Variants in SOAT1 observed in about 807,000 individuals in gnomAD.
SOAT1 encodes the protein sterol O-acyltransferase 1, also known as acyl-coenzyme A:cholesterol acyltransferase 1.
Under a neutral mutation model 69.5 loss-of-function variants are expected in SOAT1, and 55 were observed. The ratio of observed to expected loss-of-function variants is 0.79; its 90% CI spans 0.64 to 0.99. The LOEUF is 0.99. Ranked by LOEUF, SOAT1 falls within the 50% of genes least tolerant of loss-of-function variation. The probability of loss-of-function intolerance (pLI) is 0.00; values close to 1 mark genes in which losing one functional copy is unlikely to be tolerated. For missense variants in SOAT1, 580 were observed against 669.3 expected, an observed-to-expected ratio of 0.87 and a Z score of 1.47; for synonymous variants, 231 against 224.7, an observed-to-expected ratio of 1.03 and a Z score of -0.25.
At chr1:179,297,601 C>T (rs905050467) in intron 1 of SOAT1, among the ~76,000 whole-genome samples, 1 of 151,636 alleles carries the variant, frequency 6.6e-6, no homozygotes, top group South Asian at 2.1e-4. Flanking sequence ...TCCCAAAGTG[C>T]TGGGATTACA....
At chr1:179,353,208 A>AATATAT (rs200860761) in intron 15 of SOAT1, among the ~76,000 whole-genome samples, 1 of 8,214 alleles carries the variant, frequency 1.2e-4, no homozygotes, top group Non-Finnish European at 3.0e-4. Context: ...GTTATATATA[A>AATATAT]ATATATATAT....
chr1:179,328,407 A>C (rs1163539392), intron 3 of SOAT1, among the ~76,000 whole-genome samples: 3 of 152,260 alleles, frequency 2.0e-5, no homozygotes, highest in Non-Finnish European at 4.4e-5. Flanking sequence ...GGATTTTAGT[A>C]GGAAGAGTTT....
intron 2 of SOAT1, among the ~76,000 whole-genome samples, chr1:179,316,039 C>T (rs961861116): frequency 6.6e-6 from 1 of 152,046 alleles, no homozygotes. Context: ...TAAATTAATC[C>T]TCTGCTCTCC....
At position 179,326,545 on chromosome 1, in the gene SOAT1, C is replaced by A. The variant is rs1447647257; in HGVS notation, c.177+3050C>A. ...TACCATTGTTTATTAATTGTAATTTCTTTTCTTTTTTTTTTTTTTTTTTTT... is the reference window on the plus strand; with the variant it reads ...TACCATTGTTTATTAATTGTAATTTATTTTCTTTTTTTTTTTTTTTTTTTT... On this transcript the variant is annotated intron_variant, in intron 3 of 15. Transcript: ENST00000367619. Among the ~76,000 whole-genome samples the A allele has an allele frequency of 1.0e-4, 10 of 99,414 alleles. No individual in the cohort carries two copies. The South Asian group carries it at 1.8e-3, about 18-fold the overall frequency. 65.2% of individuals were successfully genotyped at this position (99,414 alleles called of 152,430 possible). A position where few individuals can be genotyped will look rare whatever the true frequency, so the allele number is the denominator to read the frequency against.
intron 13 of SOAT1, among the ~76,000 whole-genome samples, chr1:179,349,555 G>T (rs114043923): frequency 6.6e-6 from 1 of 151,980 alleles, no homozygotes; most frequent in South Asian, 2.1e-4. Context: ...TTGAACTCCC[G>T]ACCTTAGGTG....
At chr1:179,353,214 T>TATATAAATATAAATATATATATATAA (rs1309874954) in intron 15 of SOAT1, among the ~76,000 whole-genome samples, 38 of 118,092 alleles carry the variant, frequency 3.2e-4, no homozygotes, top group Non-Finnish European at 5.3e-4. Context: ...TATAAATATA[T>TATATAAATATAAATATATATATATAA]ATATATATAT....
chr1:179,307,421 T>C (rs1351010378), intron 2 of SOAT1, among the ~76,000 whole-genome samples: 4 of 152,158 alleles, frequency 2.6e-5, no homozygotes, highest in African/African-American at 9.7e-5. Context: ...TCTGGTTTTG[T>C]TGTAAAGGTG....
intron 2 of SOAT1, among the ~76,000 whole-genome samples, chr1:179,318,846 CTG>C (rs1481186173): frequency 6.6e-6 from 1 of 152,030 alleles, no homozygotes; most frequent in African/African-American, 2.4e-5. Flanking sequence ...TTTTATTAAT[CTG>C]TTTTTCAGTT....
At chr1:179,342,446 T>A (rs1275180283) in intron 8 of SOAT1, among the ~76,000 whole-genome samples, 1 of 152,132 alleles carries the variant, frequency 6.6e-6, no homozygotes, top group Non-Finnish European at 1.5e-5. Context: ...GTAGAGATTG[T>A]GTTTTATTTC....
intron 2 of SOAT1, among the ~76,000 whole-genome samples, chr1:179,306,572 C>T (rs1665011234): frequency 6.6e-6 from 1 of 152,006 alleles, no homozygotes; most frequent in Non-Finnish European, 1.5e-5. Context: ...GTGGCTCACG[C>T]CTGTAATCCC....
chr1:179,345,715 T>C (rs1465015082), intron 11 of SOAT1, among the ~76,000 whole-genome samples: 1 of 151,992 alleles, frequency 6.6e-6, no homozygotes, highest in Non-Finnish European at 1.5e-5. Flanking sequence ...CATGCCTGGC[T>C]AAGTTTTTAT....
intron 10 of SOAT1, 64 bp from the exon 11 acceptor site, chr1:179,344,882 GA>G: frequency 2.6e-6 from 4 of 1,540,018 alleles, no homozygotes; most frequent in Admixed American, 1.7e-5. Context: ...CTTTTGGAGA[GA>G]AAAAAATCGC....
intron 1 of SOAT1, among the ~76,000 whole-genome samples, chr1:179,297,495 CT>C (rs1179423701): frequency 6.6e-6 from 1 of 152,020 alleles, no homozygotes; most frequent in Non-Finnish European, 1.5e-5. Context: ...GCCATCACCC[CT>C]GGCTAATTTT....
intron 3 of SOAT1, among the ~76,000 whole-genome samples, chr1:179,326,272 G>A (rs1459720643): frequency 6.6e-6 from 1 of 152,114 alleles, no homozygotes; most frequent in Non-Finnish European, 1.5e-5. Context: ...TCAAAATAAT[G>A]TATATCCTTC....
chr1:179,299,811 T>G (rs1221228877), intron 1 of SOAT1, among the ~76,000 whole-genome samples: 1 of 132,048 alleles, frequency 7.6e-6, no homozygotes, highest in African/African-American at 2.8e-5. Context: ...TGGAGTACAG[T>G]GGTGTGATCT....
chr1:179,337,908 T>C lies in SOAT1; in HGVS notation c.389+12T>C, dbSNP rs1379315312. The C allele has an allele frequency of 3.2e-6, 5 of 1,577,112 alleles. No individual in the cohort carries two copies. The highest frequency in any genetic ancestry group is 4.3e-6 in the Non-Finnish European group (5 of 1,158,644). ...CGCTCTCTCTTAGAGTGAGTATTTTTAGTTGTTTTTAAATATGTTTGATTT... is the reference window on the plus strand; with the variant it reads ...CGCTCTCTCTTAGAGTGAGTATTTTCAGTTGTTTTTAAATATGTTTGATTT... On this transcript the variant is annotated intron_variant, in intron 5 of 15. Transcript: ENST00000367619.
intron 10 of SOAT1, among the ~76,000 whole-genome samples, chr1:179,344,207 G>C (rs1666440488): frequency 6.6e-6 from 1 of 151,888 alleles, no homozygotes; most frequent in Non-Finnish European, 1.5e-5. Flanking sequence ...CTGTTTTTGG[G>C]GGAGGTATAT....
intron 4 of SOAT1, among the ~76,000 whole-genome samples, chr1:179,336,470 CAAAAA>C (rs71569242): frequency 1.3e-5 from 1 of 79,070 alleles, no homozygotes; most frequent in Non-Finnish European, 2.3e-5. Context: ...ACCCTGTCTC[CAAAAA>C]AAAAAAAAAA....
At chr1:179,330,680 A>T (rs1330576649) in intron 3 of SOAT1, among the ~76,000 whole-genome samples, 1 of 152,236 alleles carries the variant, frequency 6.6e-6, no homozygotes, top group Admixed American at 6.5e-5. Flanking sequence ...TAGAAGCATG[A>T]TGGAGTCAGA....
Sources: gnomAD v4.1 joint callset for allele counts (sites outside exome capture counted in the v4.1 genomes callset) on GRCh38, gnomAD v4.1.1 for gene constraint, MANE v1.5 for transcripts, NCBI Gene and HGNC (gene_info 2026-07-23, HGNC 2026-07-21) for gene names.